CEBPZ: variants seen among roughly 807,000 people sequenced by gnomAD.
The protein encoded by CEBPZ is CCAAT enhancer binding protein zeta.
In CEBPZ, 78 loss-of-function variants were observed where a neutral mutation model predicts 104.5. That is an observed-to-expected ratio of 0.75 (90% CI 0.62 to 0.90). CEBPZ has a LOEUF of 0.90. CEBPZ is among the 40% of genes least tolerant of loss of function. The probability of loss-of-function intolerance (pLI) is 0.00; values close to 1 mark genes in which losing one functional copy is unlikely to be tolerated. For synonymous variants in CEBPZ, 470 were observed against 427.0 expected, an observed-to-expected ratio of 1.10 and a Z score of -1.24; for missense variants, 1,439 against 1,233.5, an observed-to-expected ratio of 1.17 and a Z score of -2.50.
intron 15 of CEBPZ, 145 bp from the exon 16 acceptor site, chr2:37,202,048 T>A (rs1276870490): frequency 5.7e-6 from 3 of 528,896 alleles, no homozygotes; most frequent in Non-Finnish European, 9.8e-6. Flanking sequence ...TGCTTGTTTG[T>A]TGCTTTTCTT....
Position 37,212,350 on chromosome 2 carries a change from T to C in CEBPZ, c.2588A>G (p.Asp863Gly). Residue 863 changes from aspartate to glycine, a missense_variant, in exon 11 of 16, where the codon GAT (aspartate) becomes GGT (glycine). By Grantham distance (94) the Asp-to-Gly change is moderately conservative (BLOSUM62 -1). Transcript: ENST00000234170. ...AGTATGTTACCCAGCAAAATCCATATCATCCTTTCCAGAGCTGAAACAGTT... is the reference window on the plus strand; with the variant it reads ...AGTATGTTACCCAGCAAAATCCATACCATCCTTTCCAGAGCTGAAACAGTT... The part of the protein sequence containing the change: ...DDNCFSSGKD[D>G]MDFAGNVKKR... 1.2e-6 allele frequency: 2 copies of C among 1,613,572 alleles called. No homozygotes were observed. The highest frequency in any genetic ancestry group is 1.7e-5 in the Admixed American group (1 of 60,014).
intron 2 of CEBPZ, among the ~76,000 whole-genome samples, chr2:37,224,429 A>G (rs1404772999): frequency 5.9e-5 from 9 of 152,204 alleles, no homozygotes; most frequent in Admixed American, 5.9e-4. Context: ...ATTTTTTCCT[A>G]CTAACACTAG....
intron 2 of CEBPZ, among the ~76,000 whole-genome samples, chr2:37,224,029 C>T (rs924482114): frequency 6.6e-6 from 1 of 152,216 alleles, no homozygotes; most frequent in Non-Finnish European, 1.5e-5. Flanking sequence ...GTCTCTCAGT[C>T]CCATGTTTGT....
intron 13 of CEBPZ, chr2:37,209,884 T>C (rs1001349534): frequency 4.6e-5 from 7 of 152,120 alleles, no homozygotes; most frequent in African/African-American, 1.7e-4. Context: ...ACTATGCATC[T>C]GAGAAAGGAC....
chr2:37,204,362 C>G (rs1403615388), intron 13 of CEBPZ: 4 of 150,822 alleles, frequency 2.7e-5, no homozygotes, highest in Non-Finnish European at 5.9e-5. Flanking sequence ...ACTGCAACCT[C>G]TGCCTTCTGG....
At position 37,209,980 on chromosome 2, in the gene CEBPZ, C is replaced by A. The variant is rs538082001; in HGVS notation, c.2884+1019G>T. ...AAAGTGTGTTAAGGATATGAACAGA[C>A]AATTCTCAAAAGATATACAAATGGT... On this transcript the variant is annotated intron_variant, in intron 13 of 15. Transcript: ENST00000234170. The A allele has an allele frequency of 2.0e-5, 3 of 152,174 alleles. No individual in the cohort carries two copies. In the East Asian group the frequency reaches 5.8e-4, roughly 29 times the overall value. 9.4% of individuals were successfully genotyped at this position (152,174 alleles called of 1,614,324 possible). A position where few individuals can be genotyped will look rare whatever the true frequency, so the allele number is the denominator to read the frequency against.
At chr2:37,203,866 A>T (rs1016623492) in intron 13 of CEBPZ, 2 of 152,154 alleles carry the variant, frequency 1.3e-5, no homozygotes, top group Non-Finnish European at 2.9e-5. Flanking sequence ...TCCATGTTGT[A>T]GTACTCCATG....
rs745986304 is a variant in CEBPZ, at chr2:37,228,020, C to A, written c.1173G>T (p.Leu391=). Residue 391 remains leucine, a synonymous_variant, in exon 2 of 16, where the codon CTG becomes CTT. Transcript: ENST00000234170. ...TGGCAATTCTGTTCTGAGGATCTCC[C>A]AGTTTATTTACCACTTGCACAAGAA... The part of the protein sequence containing the change: ...KALLVQVVNK[L]GDPQNRIATK... The A allele has an allele frequency of 6.2e-7, 1 of 1,614,142 alleles. No individual in the cohort carries two copies. Among genetic ancestry groups the A allele is most frequent in the South Asian group, 1.1e-5 (1 of 91,080 alleles).
chr2:37,208,829 A>G (rs1284332855), intron 13 of CEBPZ: 1 of 152,148 alleles, frequency 6.6e-6, no homozygotes, highest in Non-Finnish European at 1.5e-5. Flanking sequence ...CATTCAAATC[A>G]GTAAAGAGGA....
chr2:37,229,186 G>A (rs1664971167), intron 1 of CEBPZ, 150 bp from the exon 2 acceptor site: 1 of 640,408 alleles, frequency 1.6e-6, no homozygotes, highest in Non-Finnish European at 2.4e-6. Flanking sequence ...ACAAAGGAAA[G>A]GATAAGTAAA....
intron 5 of CEBPZ, among the ~76,000 whole-genome samples, chr2:37,218,286 A>G (rs920827788): frequency 1.3e-5 from 2 of 151,956 alleles, no homozygotes; most frequent in Non-Finnish European, 2.9e-5. Flanking sequence ...AAGAAAAAAG[A>G]AAAAAAGAAA....
chr2:37,231,544 C>T lies in CEBPZ; in HGVS notation c.24G>A (p.Leu8=), dbSNP rs1665107667. The change falls in exon 1 of 16, where the codon TTG becomes TTA. Residue 8 remains leucine (L), a synonymous_variant. Transcript: ENST00000234170. ...GCCAAGGCCGCTTGGCATGGAACTC[C>T]AAAGGCTCCTTGACTGCGGCCATGG... MAAVKEP[L]EFHAKRPWRP... 1 of 1,614,114 alleles carries T rather than the reference C, an allele frequency of 6.2e-7. No homozygotes were observed. Among genetic ancestry groups the T allele is most frequent in the South Asian group, 1.1e-5 (1 of 91,088 alleles).
At chr2:37,231,364 CG>C in intron 1 of CEBPZ, 47 bp downstream of exon 1, 1 of 1,610,964 alleles carries the variant, frequency 6.2e-7, no homozygotes. Flanking sequence ...TAGCCACCTT[CG>C]GAACTCTCCA....
At chr2:37,222,661 C>G (rs1664800363) in intron 3 of CEBPZ, 98 bp from the exon 4 acceptor site, 4 of 792,728 alleles carry the variant, frequency 5.0e-6, no homozygotes, top group Admixed American at 3.5e-5. Context: ...CTTATTGCAA[C>G]TCTGGTGAAA....
Position 37,228,857 on chromosome 2 carries a change from A to G in CEBPZ, c.336T>C (p.Asn112=). ...VEEDEPAEKE[N]SSKKEVKIPK... is the part of the protein sequence containing the mutation. Reference sequence around the variant, plus strand: ...GTATTTTTACTTCTTTTTTGCTGGAATTTTCTTTTTCAGCTGGTTCATCTT... The same window carrying G: ...GTATTTTTACTTCTTTTTTGCTGGAGTTTTCTTTTTCAGCTGGTTCATCTT... The change falls in exon 2 of 16, where the codon AAT becomes AAC. Residue 112 remains asparagine (N), a synonymous_variant. Coordinates refer to ENST00000234170, the MANE Select transcript of CEBPZ (RefSeq NM_005760.3). 3 of 1,598,128 alleles carry G rather than the reference A, an allele frequency of 1.9e-6. No individual in the cohort carries two copies. The South Asian group carries it at 3.5e-5, about 18-fold the overall frequency.
chr2:37,225,039 AAAACAAACAAAC>A lies in CEBPZ; in HGVS notation c.1650-1650_1650-1639del, dbSNP rs66609313. Among the ~76,000 whole-genome samples the A allele has an allele frequency of 8.6e-3, 1,304 of 151,300 alleles. 20 individuals are homozygous for A. The highest frequency in any genetic ancestry group is 0.03 in the African/African-American group (1,221 of 41,096). ...CAAAATAATGAAACCACCCCCCTTC[AAAACAAACAAAC>A]AAACAAACAAACAAACAAACTAACA... On this transcript the variant is annotated intron_variant, in intron 2 of 15. Transcript: ENST00000234170.
chr2:37,222,117 C>G (rs1377782390), intron 4 of CEBPZ, among the ~76,000 whole-genome samples: 3 of 152,108 alleles, frequency 2.0e-5, no homozygotes, highest in Non-Finnish European at 2.9e-5. Context: ...AACTCCACCT[C>G]TACTAAAAAT....
At position 37,211,892 on chromosome 2, in the gene CEBPZ, A is replaced by G. The variant is rs753559727; in HGVS notation, c.2751T>C (p.Asp917=). 13 of 1,611,808 alleles carry G rather than the reference A, an allele frequency of 8.1e-6. No individual in the cohort carries two copies. The Admixed American group carries it at 2.0e-4, about 25-fold the overall frequency. ...CTAACACATCCATGAATGTTCCTCC[A>G]TCTTCATCAACTTCAGCAAATTCTT... ...DDEEFAEVDE[D]GGTFMDVLDD... is the part of the protein sequence containing the mutation. The change falls in exon 12 of 16, where the codon GAT becomes GAC. Residue 917 remains aspartate (D), a synonymous_variant. Transcript: ENST00000234170.
At chr2:37,230,426 A>C (rs1299334603) in intron 1 of CEBPZ, among the ~76,000 whole-genome samples, 1 of 152,216 alleles carries the variant, frequency 6.6e-6, no homozygotes, top group Non-Finnish European at 1.5e-5. Context: ...ATTTGACTTC[A>C]CTATGTATCT....
Sources: allele counts gnomAD v4.1 joint callset (sites outside exome capture counted in the v4.1 genomes callset), GRCh38; gene constraint gnomAD v4.1.1; transcripts MANE v1.5; gene names NCBI Gene and HGNC (gene_info 2026-07-23, HGNC 2026-07-21).